The following TMEM196 variants were observed in gnomAD, a reference collection of about 807,000 sequenced individuals.
TMEM196 encodes the protein transmembrane protein 196.
TMEM196 carries 17 observed loss-of-function variants against 20.0 expected under a neutral mutation model. That is an observed-to-expected ratio of 0.85 (90% CI 0.58 to 1.27). The LOEUF is 1.27. Among genes scored for constraint, TMEM196 ranks in the 50% most tolerant of loss-of-function variants. The pLI is 0.00. For missense variants in TMEM196, 267 were observed against 223.0 expected (o/e 1.20, Z -1.26); for synonymous variants, 113 against 88.9 (o/e 1.27, Z -1.52).
At chr7:19,764,879 A>T (rs1464768497) in intron 1 of TMEM196, among the ~76,000 whole-genome samples, 2 of 152,136 alleles carry the variant, frequency 1.3e-5, no homozygotes, top group African/African-American at 4.8e-5. Flanking sequence ...TGCCTGGTCC[A>T]TGTATTCAAG....
At chr7:19,765,405 G>T (rs537724268) in intron 1 of TMEM196, among the ~76,000 whole-genome samples, 1 of 152,136 alleles carries the variant, frequency 6.6e-6, no homozygotes, top group South Asian at 2.1e-4. Flanking sequence ...TTGAAATCTA[G>T]GTATTTAATT....
chr7:19,729,262 T>C, intron 2 of TMEM196, 120 bp downstream of exon 2: 5 of 657,910 alleles, frequency 7.6e-6, no homozygotes, highest in Admixed American at 4.2e-5. Context: ...GTCAGTTTTT[T>C]TTTTTTTTGC....
chr7:19,724,308 C>T lies in TMEM196; in HGVS notation c.505G>A (p.Val169Met). 6.5e-7 allele frequency: 1 copy of T among 1,550,344 alleles called. No homozygotes were observed. Among genetic ancestry groups the T allele is most frequent in the Non-Finnish European group, 8.7e-7 (1 of 1,146,862 alleles). The change falls in exon 4 of 5, where the codon GTG becomes ATG. Residue 169 changes from valine to methionine, a missense_variant. By Grantham distance (21) the Val-to-Met change is conservative. Transcript: ENST00000405844. Reference sequence around the variant, plus strand: ...GTAGGTAACTCTGGTGTCGGGGGCACCACCGGGCAGCTGGGCAAGTCGGTT... The same window carrying T: ...GTAGGTAACTCTGGTGTCGGGGGCATCACCGGGCAGCTGGGCAAGTCGGTT... ...EITDLPSCPV[V>M]PPTPELPTRK
At chr7:19,733,231 G>T (rs936280729) in intron 1 of TMEM196, among the ~76,000 whole-genome samples, 1 of 152,174 alleles carries the variant, frequency 6.6e-6, no homozygotes, top group African/African-American at 2.4e-5. Context: ...TATGAAGACA[G>T]TATTTTACAC....
intron 1 of TMEM196, 139 bp downstream of exon 1, chr7:19,772,411 G>A: frequency 1.1e-6 from 1 of 921,196 alleles, no homozygotes; most frequent in Non-Finnish European, 1.5e-6. Context: ...TAGCTTGTCA[G>A]CATGAACCTA....
chr7:19,746,383 C>T (rs1195536328), intron 1 of TMEM196, among the ~76,000 whole-genome samples: 4 of 152,188 alleles, frequency 2.6e-5, no homozygotes, highest in African/African-American at 9.7e-5. Context: ...TACCGACTCT[C>T]TTTTTAATTG....
intron 1 of TMEM196, among the ~76,000 whole-genome samples, chr7:19,745,241 C>G (rs958037402): frequency 6.6e-6 from 1 of 151,952 alleles, no homozygotes; most frequent in African/African-American, 2.4e-5. Context: ...TTATTTTTAT[C>G]ATTTTTCTCA....
intron 1 of TMEM196, among the ~76,000 whole-genome samples, chr7:19,755,453 A>G (rs770949125): frequency 6.6e-6 from 1 of 152,194 alleles, no homozygotes; most frequent in Non-Finnish European, 1.5e-5. Context: ...CCTTGCCTGG[A>G]ACACTTTTGG....
chr7:19,764,465 C>G (rs1202717316), intron 1 of TMEM196, among the ~76,000 whole-genome samples: 1 of 152,100 alleles, frequency 6.6e-6, no homozygotes, highest in Non-Finnish European at 1.5e-5. Context: ...CCTCAGTGAC[C>G]CACAAAGACT....
intron 1 of TMEM196, among the ~76,000 whole-genome samples, chr7:19,770,843 A>G (rs1214633559): frequency 1.3e-5 from 2 of 152,292 alleles, no homozygotes; most frequent in African/African-American, 2.4e-5. Flanking sequence ...TTTTTCTTAC[A>G]TGATACTAAG....
chr7:19,733,442 A>G (rs1369009832), intron 1 of TMEM196, among the ~76,000 whole-genome samples: 1 of 152,178 alleles, frequency 6.6e-6, no homozygotes, highest in East Asian at 1.9e-4. Flanking sequence ...GTCTGACACT[A>G]TGTCACCTGT....
In TMEM196 at chr7:19,720,701, G is replaced by A. The variant is rs1783785246; in HGVS notation, c.*1427C>T. 1 of 151,870 alleles carries A rather than the reference G, an allele frequency of 6.6e-6. No individual in the cohort carries two copies. Among genetic ancestry groups the A allele is most frequent in the Non-Finnish European group, 1.5e-5 (1 of 67,800 alleles). The allele number at this position is 151,870 out of a possible 1,614,324, so 9.4% of individuals were successfully genotyped here. A position where few individuals can be genotyped will look rare whatever the true frequency, so the allele number is the denominator to read the frequency against. ...TTATTAGAGGAAAGGATTGAATCTA[G>A]CTATACAAATGTTAGCCTATCTTTT... On this transcript the variant is annotated 3_prime_UTR_variant, in exon 5 of 5. Transcript: ENST00000405844.
intron 1 of TMEM196, among the ~76,000 whole-genome samples, chr7:19,747,266 T>TA (rs538298860): frequency 2.2e-5 from 2 of 91,122 alleles, no homozygotes; most frequent in South Asian, 3.5e-4. Context: ...AAAAAATAAA[T>TA]AAATAAAATA....
At chr7:19,772,214 C>G (rs954838291) in intron 1 of TMEM196, among the ~76,000 whole-genome samples, 2 of 150,924 alleles carry the variant, frequency 1.3e-5, no homozygotes, top group Admixed American at 6.6e-5. Flanking sequence ...GTGACACCCC[C>G]CTCCCCCCGC....
At chr7:19,747,560 T>C (rs1428304583) in intron 1 of TMEM196, among the ~76,000 whole-genome samples, 1 of 152,154 alleles carries the variant, frequency 6.6e-6, no homozygotes, top group African/African-American at 2.4e-5. Context: ...CTGAGAAAAC[T>C]GATCCTCAGA....
At chr7:19,722,232 AAAC>A in intron 4 of TMEM196, 98 bp from the exon 5 acceptor site, 1 of 1,022,108 alleles carries the variant, frequency 9.8e-7, no homozygotes, top group Non-Finnish European at 1.5e-6. Flanking sequence ...ATCCATTGAA[AAAC>A]TTGCTAAGTT....
intron 1 of TMEM196, among the ~76,000 whole-genome samples, chr7:19,731,640 A>C (rs1198400724): frequency 6.6e-6 from 1 of 152,236 alleles, no homozygotes; most frequent in Non-Finnish European, 1.5e-5. Context: ...ATCTGTAAAC[A>C]CTGCCATTAT....
At chr7:19,732,346 G>A (rs1562609519) in intron 1 of TMEM196, among the ~76,000 whole-genome samples, 1 of 152,052 alleles carries the variant, frequency 6.6e-6, no homozygotes, top group Admixed American at 6.6e-5. Context: ...AGGCTGAGGT[G>A]GGCGGATCAC....
chr7:19,758,476 T>C (rs1384831387), intron 1 of TMEM196, among the ~76,000 whole-genome samples: 1 of 152,178 alleles, frequency 6.6e-6, no homozygotes, highest in Non-Finnish European at 1.5e-5. Context: ...TTTTTAAGGA[T>C]AGTTAATATT....
Sources: gnomAD v4.1 joint callset for allele counts (sites outside exome capture counted in the v4.1 genomes callset) on GRCh38, gnomAD v4.1.1 for gene constraint, MANE v1.5 for transcripts, NCBI Gene and HGNC (gene_info 2026-07-23, HGNC 2026-07-21) for gene names.